Variants in KAZN observed in about 807,000 individuals in gnomAD.
The protein encoded by KAZN is kazrin, periplakin interacting protein.
A neutral mutation model predicts 87.4 loss-of-function variants in KAZN; 40 were observed. That is an observed-to-expected ratio of 0.46 (90% CI 0.36 to 0.60). KAZN has a LOEUF of 0.60. Ranked by LOEUF, KAZN falls within the 20% of genes least tolerant of loss-of-function variation. The pLI is 0.00. For synonymous variants in KAZN, 466 were observed against 458.3 expected, an observed-to-expected ratio of 1.02 and a Z score of -0.22; for missense variants, 898 against 1,073.9, an observed-to-expected ratio of 0.84 and a Z score of 2.29.
chr1:14,410,558 A>T (rs912020427), intron 2 of KAZN, among the ~76,000 whole-genome samples: 1 of 152,220 alleles, frequency 6.6e-6, no homozygotes. Context: ...AGGACAGTTA[A>T]ATGTTGCCTG....
At chr1:13,920,823 G>A (rs990087849) in intron 1 of KAZN, among the ~76,000 whole-genome samples, 6 of 152,270 alleles carry the variant, frequency 3.9e-5, no homozygotes, top group Middle Eastern at 3.4e-3. Flanking sequence ...GTGGTTTATG[G>A]TCACGCTGAC....
chr1:14,927,160 T>A (rs1477886131), intron 1 of KAZN, among the ~76,000 whole-genome samples: 1 of 152,230 alleles, frequency 6.6e-6, no homozygotes, highest in Non-Finnish European at 1.5e-5. Flanking sequence ...AGGGAATAAC[T>A]CCTTCTGAAG....
intron 2 of KAZN, among the ~76,000 whole-genome samples, chr1:14,217,611 A>G (rs914676954): frequency 2.6e-5 from 4 of 152,144 alleles, no homozygotes; most frequent in African/African-American, 9.7e-5. Flanking sequence ...AAAGAAAATC[A>G]AAATGAGGGA....
rs72873323 is a variant in KAZN at position 13,966,920 on chromosome 1, C to G, written c.91+73164C>G. Reference sequence around the variant, plus strand: ...AATTAAAAATTACATATATGGTTTACCATACAGTACTATTGGACAGCACTG... The same window carrying G: ...AATTAAAAATTACATATATGGTTTAGCATACAGTACTATTGGACAGCACTG... On this transcript the variant is annotated intron_variant, in intron 1 of 16. Coordinates refer to the KAZN transcript ENST00000636203. Among the ~76,000 whole-genome samples, 925 of 152,010 alleles carry G rather than the reference C, an allele frequency of 6.1e-3. 7 individuals carry two copies. The highest frequency in any genetic ancestry group is 0.021 in the African/African-American group (867 of 41,456).
intron 13 of KAZN, among the ~76,000 whole-genome samples, chr1:15,107,504 T>A (rs1641336384): frequency 6.6e-6 from 1 of 152,158 alleles, no homozygotes. Flanking sequence ...CCTGGCTGTG[T>A]GACCCTGGGC....
At chr1:14,324,009 T>C (rs906814503) in intron 2 of KAZN, among the ~76,000 whole-genome samples, 5 of 152,176 alleles carry the variant, frequency 3.3e-5, no homozygotes, top group Non-Finnish European at 7.3e-5. Context: ...CTTTTCTGAA[T>C]TTATCTCATA....
intron 1 of KAZN, among the ~76,000 whole-genome samples, chr1:14,777,921 A>G (rs1645227678): frequency 6.6e-6 from 1 of 152,130 alleles, no homozygotes. Flanking sequence ...TTAGCATGCT[A>G]ATTCATTATA....
At chr1:14,564,539 C>G (rs1401632477) in intron 2 of KAZN, among the ~76,000 whole-genome samples, 1 of 152,048 alleles carries the variant, frequency 6.6e-6, no homozygotes, top group African/African-American at 2.4e-5. Flanking sequence ...GCCACAGTGG[C>G]TCATGCCTGT....
chr1:14,646,260 C>T (rs1171145392), intron 1 of KAZN, among the ~76,000 whole-genome samples: 1 of 152,128 alleles, frequency 6.6e-6, no homozygotes, highest in Non-Finnish European at 1.5e-5. Context: ...AAGCTCTGTT[C>T]CTAGGCTGGG....
At chr1:14,375,599 C>T (rs1008412763) in intron 2 of KAZN, among the ~76,000 whole-genome samples, 8 of 152,190 alleles carry the variant, frequency 5.3e-5, no homozygotes, top group South Asian at 2.1e-4. Context: ...TGAAATGACA[C>T]GTGGAGGCTG....
At chr1:14,369,847 G>A (rs758056460) in intron 2 of KAZN, among the ~76,000 whole-genome samples, 25 of 152,204 alleles carry the variant, frequency 1.6e-4, no homozygotes, top group Admixed American at 3.3e-4. Flanking sequence ...GCAAGCCATT[G>A]TTACAGTAAT....
chr1:14,041,348 A>G (rs1168535927), intron 1 of KAZN, among the ~76,000 whole-genome samples: 1 of 152,166 alleles, frequency 6.6e-6, no homozygotes, highest in Non-Finnish European at 1.5e-5. Flanking sequence ...GGAATGTACT[A>G]TGATTATACC....
intron 1 of KAZN, among the ~76,000 whole-genome samples, chr1:13,950,302 T>C (rs1289881202): frequency 6.6e-6 from 1 of 152,174 alleles, no homozygotes; most frequent in African/African-American, 2.4e-5. Context: ...CCAGGTCACC[T>C]CTTCTGGCAT....
intron 2 of KAZN, among the ~76,000 whole-genome samples, chr1:14,531,352 C>G (rs937900341): frequency 6.6e-6 from 1 of 152,204 alleles, no homozygotes; most frequent in Non-Finnish European, 1.5e-5. Flanking sequence ...CCCAAGTAAG[C>G]CAACAGGAAG....
intron 2 of KAZN, among the ~76,000 whole-genome samples, chr1:14,193,603 A>G (rs1291190021): frequency 6.6e-6 from 1 of 151,716 alleles, no homozygotes; most frequent in Non-Finnish European, 1.5e-5. Flanking sequence ...TGTGTCAGCC[A>G]CAGGAATCTA....
chr1:14,602,189 CT>C (rs2148602141), intron 1 of KAZN, among the ~76,000 whole-genome samples: 1 of 152,144 alleles, frequency 6.6e-6, no homozygotes, highest in South Asian at 2.1e-4. Flanking sequence ...TTGGTTGGTA[CT>C]CCCTGTGAGC....
Position 14,106,449 on chromosome 1 carries a change from C to A in KAZN, c.92-73986C>A, listed in dbSNP as rs149791843. Among the ~76,000 whole-genome samples, 7 of 152,306 alleles carry A rather than the reference C, an allele frequency of 4.6e-5. No homozygotes were observed. In the East Asian group the frequency reaches 1.3e-3, roughly 29 times the overall value. ...GTGGAACAACCCACATCCCTCTTCTCAAGCCCCCTCCAGCCAGCCATGCCC... is the reference window on the plus strand; with the variant it reads ...GTGGAACAACCCACATCCCTCTTCTAAAGCCCCCTCCAGCCAGCCATGCCC... On this transcript the variant is annotated intron_variant, in intron 1 of 16. Coordinates refer to the KAZN transcript ENST00000636203.
intron 1 of KAZN, among the ~76,000 whole-genome samples, chr1:14,632,782 C>T (rs1679665202): frequency 6.6e-6 from 1 of 152,080 alleles, no homozygotes; most frequent in Non-Finnish European, 1.5e-5. Context: ...TAACCTTGGC[C>T]ACCTCTGTTG....
At chr1:14,273,084 G>C (rs1280856289) in intron 2 of KAZN, among the ~76,000 whole-genome samples, 1 of 152,092 alleles carries the variant, frequency 6.6e-6, no homozygotes, top group Non-Finnish European at 1.5e-5. Flanking sequence ...TGGGCTGGAT[G>C]AAACACGGAT....
Sources: allele counts gnomAD v4.1 joint callset (sites outside exome capture counted in the v4.1 genomes callset), GRCh38; gene constraint gnomAD v4.1.1; transcripts MANE v1.5; gene names NCBI Gene and HGNC (gene_info 2026-07-23, HGNC 2026-07-21).